SERPINB12: variants seen among roughly 807,000 people sequenced by gnomAD.
SERPINB12 encodes the protein serpin family B member 12.
Under a neutral mutation model 41.1 loss-of-function variants are expected in SERPINB12, and 57 were observed. That is an observed-to-expected ratio of 1.39 (90% CI 1.12 to 1.73). The LOEUF is 1.73. Among genes scored for constraint, SERPINB12 ranks in the 40% most tolerant of loss-of-function variants. The pLI is 0.00. For missense variants in SERPINB12, 536 were observed against 501.9 expected (o/e 1.07, Z -0.65); for synonymous variants, 180 against 181.3 (o/e 0.99, Z 0.06).
chr18:63,540,535 C>T (rs1910251978), upstream of SERPINB12, among the ~76,000 whole-genome samples: 1 of 152,120 alleles, frequency 6.6e-6, no homozygotes. Flanking sequence ...TAATTCAGGA[C>T]CTAGATATTC....
chr18:63,541,459 T>C (rs1017506406), upstream of SERPINB12, among the ~76,000 whole-genome samples: 3 of 152,160 alleles, frequency 2.0e-5, no homozygotes, highest in African/African-American at 7.2e-5. Context: ...AGGAGGCTTT[T>C]TGTGGAAATC....
upstream of SERPINB12, among the ~76,000 whole-genome samples, chr18:63,540,933 A>G (rs1360766990): frequency 6.6e-6 from 1 of 152,224 alleles, no homozygotes. Context: ...TCAGCTATGT[A>G]TAAAGTGTGT....
intron 3 of SERPINB12, among the ~76,000 whole-genome samples, chr18:63,559,051 T>TTTCTTTCTTTCTTTCC (rs1491576757): frequency 1.1e-5 from 1 of 92,730 alleles, no homozygotes; most frequent in African/African-American, 3.0e-5. Flanking sequence ...TCTTTCTTTC[T>TTTCTTTCTTTCTTTCC]TTCTTTCTCT....
intron 1 of SERPINB12, among the ~76,000 whole-genome samples, chr18:63,548,618 C>A (rs937254174): frequency 1.7e-4 from 26 of 151,482 alleles, no homozygotes; most frequent in African/African-American, 6.3e-4. Flanking sequence ...CATAATGATC[C>A]ATAAATAAAT....
chr18:63,555,793 C>T (rs1313785679), intron 1 of SERPINB12, among the ~76,000 whole-genome samples: 1 of 152,128 alleles, frequency 6.6e-6, no homozygotes, highest in Admixed American at 6.5e-5. Flanking sequence ...ACAGATTTTC[C>T]TTGAGAGTCT....
chr18:63,542,103 T>G (rs1464068229), upstream of SERPINB12, among the ~76,000 whole-genome samples: 1 of 152,144 alleles, frequency 6.6e-6, no homozygotes, highest in Non-Finnish European at 1.5e-5. Context: ...GTAAGTTGTT[T>G]AGGGAGAATA....
chr18:63,539,659 C>T (rs554279539), upstream of SERPINB12, among the ~76,000 whole-genome samples: 23 of 152,060 alleles, frequency 1.5e-4, no homozygotes, highest in Middle Eastern at 6.8e-3. Context: ...TTTGTGGGCA[C>T]GTACACCAAT....
In SERPINB12 at chr18:63,569,156, C is replaced by A. The variant is rs184734494; in HGVS notation, c.*2145C>A. Among the ~76,000 whole-genome samples the A allele has an allele frequency of 2.7e-5, 4 of 150,856 alleles. No individual in the cohort carries two copies. The highest frequency in any genetic ancestry group is 5.9e-5 in the Non-Finnish European group (4 of 67,796). On this transcript the variant is annotated 3_prime_UTR_variant, in exon 8 of 8. Coordinates refer to ENST00000382768, the MANE Select transcript of SERPINB12 (RefSeq NM_001307928.2). ...AAACACATTTTTTTTTCATTTACATCGGGATTTCTCAGATTTTGAAGCATG... is the reference window on the plus strand; with the variant it reads ...AAACACATTTTTTTTTCATTTACATAGGGATTTCTCAGATTTTGAAGCATG...
At chr18:63,549,164 T>G (rs1910460468) in intron 1 of SERPINB12, among the ~76,000 whole-genome samples, 1 of 152,080 alleles carries the variant, frequency 6.6e-6, no homozygotes, top group Admixed American at 6.5e-5. Context: ...ACATAAAATG[T>G]TCATATAAAC....
chr18:63,561,708 C>A (rs1321945508), intron 5 of SERPINB12, among the ~76,000 whole-genome samples: 1 of 152,134 alleles, frequency 6.6e-6, no homozygotes, highest in African/African-American at 2.4e-5. Context: ...ACTACACAGC[C>A]ATCAAAAAGA....
rs147189799 is a variant in SERPINB12 at position 63,547,805 on chromosome 18, C to G, written c.-19+5313C>G. Among the ~76,000 whole-genome samples the G allele has an allele frequency of 7.2e-4, 109 of 152,082 alleles. 1 individual carries two copies. The highest frequency in any genetic ancestry group is 2.6e-3 in the African/African-American group (108 of 41,528). On this transcript the variant is annotated intron_variant, in intron 1 of 7. Transcript: ENST00000382768. ...TTAATAAAAAGCTGATTCTCTTATG[C>G]AGAATCTCTGTTAATTACAGCTTCC...
At chr18:63,546,180 G>A (rs1208879278) in intron 1 of SERPINB12, among the ~76,000 whole-genome samples, 1 of 152,142 alleles carries the variant, frequency 6.6e-6, no homozygotes, top group Admixed American at 6.6e-5. Flanking sequence ...GTTAGAAAAG[G>A]AAGATAAAGG....
At chr18:63,560,372 G>C (rs1167965605) in intron 4 of SERPINB12, among the ~76,000 whole-genome samples, 2 of 152,244 alleles carry the variant, frequency 1.3e-5, no homozygotes, top group African/African-American at 2.4e-5. Flanking sequence ...TGGTTGGTTA[G>C]AGCAGGACTA....
chr18:63,546,652 GA>G (rs1191709339), intron 1 of SERPINB12, among the ~76,000 whole-genome samples: 1 of 152,202 alleles, frequency 6.6e-6, no homozygotes, highest in Non-Finnish European at 1.5e-5. Flanking sequence ...AATTTGAATT[GA>G]AAAGTGTGAG....
the SERPINB12 span, among the ~76,000 whole-genome samples, chr18:63,526,612 G>A: frequency 1.3e-5 from 2 of 152,168 alleles, no homozygotes; most frequent in African/African-American, 4.8e-5. Context: ...TGATAGCTTA[G>A]CGTTATGATT....
upstream of SERPINB12, among the ~76,000 whole-genome samples, chr18:63,539,409 A>G (rs1378424927): frequency 1.3e-5 from 2 of 152,142 alleles, no homozygotes; most frequent in Non-Finnish European, 2.9e-5. Context: ...CTGAATGAGC[A>G]CCAGGAGGTG....
chr18:63,542,571 G>A (rs1910294815), intron 1 of SERPINB12, among the ~76,000 whole-genome samples, 79 bp downstream of exon 1: 1 of 152,214 alleles, frequency 6.6e-6, no homozygotes, highest in Non-Finnish European at 1.5e-5. Context: ...GAAGCTATAT[G>A]TGTTGCAGGT....
At chr18:63,557,468 A>G (rs1910717305) in intron 2 of SERPINB12, among the ~76,000 whole-genome samples, 1 of 152,226 alleles carries the variant, frequency 6.6e-6, no homozygotes, top group African/African-American at 2.4e-5. Context: ...CCTTGGATGT[A>G]GCACATAGTG....
chr18:63,530,731 TTCAAG>T, the SERPINB12 span, among the ~76,000 whole-genome samples: 1 of 152,176 alleles, frequency 6.6e-6, no homozygotes, highest in African/African-American at 2.4e-5. Context: ...CAGGCCCTCC[TTCAAG>T]GATTTATAGG....
Sources: gnomAD v4.1 joint callset for allele counts (sites outside exome capture counted in the v4.1 genomes callset) on GRCh38, gnomAD v4.1.1 for gene constraint, MANE v1.5 for transcripts, NCBI Gene and HGNC (gene_info 2026-07-23, HGNC 2026-07-21) for gene names.